TMEM131: variants seen among roughly 807,000 people sequenced by gnomAD.
TMEM131 encodes 2610524E03Rik.
In TMEM131, 66 loss-of-function variants were observed where a neutral mutation model predicts 211.6. The ratio of observed to expected loss-of-function variants is 0.31; its 90% CI spans 0.26 to 0.38. The LOEUF (loss-of-function observed/expected upper bound fraction) is 0.38, where lower values mean the gene tolerates loss of function less well. TMEM131 is among the 10% of genes least tolerant of loss of function. The pLI is 1.00. For missense variants in TMEM131, 2,036 were observed against 2,299.3 expected, an observed-to-expected ratio of 0.89 and a Z score of 2.34; for synonymous variants, 844 against 841.3, an observed-to-expected ratio of 1.00 and a Z score of -0.06.
At chr2:97,978,948 A>C (rs541197797) in intron 1 of TMEM131, among the ~76,000 whole-genome samples, 1 of 152,220 alleles carries the variant, frequency 6.6e-6, no homozygotes, top group Admixed American at 6.5e-5. Flanking sequence ...TTTTAAAATA[A>C]GACATGAAAC....
Position 97,844,246 on chromosome 2 carries a change from C to A in TMEM131, c.499G>T (p.Gly167Ter). The part of the protein sequence containing the change: ...FFQNRKILPG[G>*]NTSFDVVFLA... ...AAAACTACATCAAATGATGTATTTC[C>A]TCCTGGAAGAATTTTCTGAAACAGA... The change falls in exon 6 of 41, where the codon GGA becomes TGA. Residue 167 changes from glycine to a stop codon, truncating the protein, a stop_gained. Transcript: ENST00000186436. LOFTEE classifies it high-confidence loss of function. 7.8e-7 allele frequency: 1 copy of A among 1,281,198 alleles called. No individual in the cohort carries two copies. The highest frequency in any genetic ancestry group is 1.0e-6 in the Non-Finnish European group (1 of 978,846). The allele number at this position is 1,281,198 out of a possible 1,614,324, so 79.4% of individuals were successfully genotyped here.
At chr2:97,947,212 G>A (rs1274368555) in intron 1 of TMEM131, among the ~76,000 whole-genome samples, 1 of 151,886 alleles carries the variant, frequency 6.6e-6, no homozygotes, top group Non-Finnish European at 1.5e-5. Flanking sequence ...ATAAATGAAG[G>A]TAAGAGGGCA....
intron 4 of TMEM131, among the ~76,000 whole-genome samples, chr2:97,881,523 G>A (rs1674929493): frequency 6.6e-6 from 1 of 151,636 alleles, no homozygotes; most frequent in African/African-American, 2.4e-5. Flanking sequence ...TCTTTTTAGA[G>A]TAAAAAAAAC....
chr2:97,920,871 T>C (rs1676710386), intron 2 of TMEM131, among the ~76,000 whole-genome samples: 1 of 152,166 alleles, frequency 6.6e-6, no homozygotes, highest in Non-Finnish European at 1.5e-5. Flanking sequence ...AAAAATATAC[T>C]GTCTCAGACT....
chr2:97,959,187 A>G (rs1678704500), intron 1 of TMEM131, among the ~76,000 whole-genome samples: 1 of 152,234 alleles, frequency 6.6e-6, no homozygotes, highest in African/African-American at 2.4e-5. Flanking sequence ...GAAAAGCTCT[A>G]TCTGAAGACT....
intron 31 of TMEM131, among the ~76,000 whole-genome samples, chr2:97,790,323 A>T (rs1256367899): frequency 6.6e-6 from 1 of 152,206 alleles, no homozygotes; most frequent in Non-Finnish European, 1.5e-5. Context: ...GAAGAAAAAA[A>T]ATATAGATAC....
intron 1 of TMEM131, among the ~76,000 whole-genome samples, chr2:97,962,621 T>G (rs1678870881): frequency 6.6e-6 from 1 of 152,160 alleles, no homozygotes; most frequent in African/African-American, 2.4e-5. Flanking sequence ...CTGGTAATGG[T>G]TTGACAGTTT....
At chr2:97,808,309 T>A (rs549397871) in intron 19 of TMEM131, among the ~76,000 whole-genome samples, 1 of 152,336 alleles carries the variant, frequency 6.6e-6, no homozygotes, top group South Asian at 2.1e-4. Context: ...GCATACAGCA[T>A]TAAGATTTTG....
chr2:97,812,330 A>C (rs1681584188), intron 17 of TMEM131, 91 bp downstream of exon 17: 1 of 1,400,308 alleles, frequency 7.1e-7, no homozygotes. Context: ...CTGCATAAAA[A>C]TAATAGTGAT....
chr2:97,931,504 T>G (rs1190838460), intron 1 of TMEM131, among the ~76,000 whole-genome samples: 3 of 152,204 alleles, frequency 2.0e-5, no homozygotes, highest in Non-Finnish European at 1.5e-5. Flanking sequence ...TTCTGAATAT[T>G]ACAACTGATG....
At chr2:97,927,566 TTAATA>T (rs1456733177) in intron 1 of TMEM131, 79 bp from the exon 2 acceptor site, 104 of 1,179,730 alleles carry the variant, frequency 8.8e-5, no homozygotes, top group Admixed American at 2.6e-4. Flanking sequence ...TTAAAGTTAA[TTAATA>T]TAATTTTATA....
chr2:97,911,022 C>T (rs969794663), intron 2 of TMEM131, among the ~76,000 whole-genome samples: 1 of 152,104 alleles, frequency 6.6e-6, no homozygotes, highest in Non-Finnish European at 1.5e-5. Flanking sequence ...TTGGAACAGC[C>T]CAAATTTCCA....
At chr2:97,759,599 C>T in intron 39 of TMEM131, 53 bp downstream of exon 39, 1 of 1,447,176 alleles carries the variant, frequency 6.9e-7, no homozygotes, top group Non-Finnish European at 9.6e-7. Flanking sequence ...CACCTCCTCT[C>T]CCTTCCTCTG....
intron 31 of TMEM131, among the ~76,000 whole-genome samples, chr2:97,787,504 C>T (rs970342359): frequency 6.6e-6 from 1 of 152,224 alleles, no homozygotes; most frequent in Non-Finnish European, 1.5e-5. Flanking sequence ...GGGGTGCTGG[C>T]ATCACACTTA....
chr2:97,870,130 G>T (rs1016262104), intron 4 of TMEM131, among the ~76,000 whole-genome samples: 1 of 152,058 alleles, frequency 6.6e-6, no homozygotes, highest in African/African-American at 2.4e-5. Flanking sequence ...AAAGGTTCGT[G>T]GATTAGGTCA....
At chr2:97,829,893 C>T (rs984099387) in intron 11 of TMEM131, among the ~76,000 whole-genome samples, 12 of 152,014 alleles carry the variant, frequency 7.9e-5, no homozygotes, top group African/African-American at 2.9e-4. Flanking sequence ...CTGTACAACA[C>T]CAAGCCAGAA....
At chr2:97,875,979 A>G (rs1334440817) in intron 4 of TMEM131, among the ~76,000 whole-genome samples, 1 of 152,216 alleles carries the variant, frequency 6.6e-6, no homozygotes, top group Non-Finnish European at 1.5e-5. Context: ...TAGCCAGACT[A>G]ATAGAGAAGA....
At chr2:97,973,041 G>C (rs1419440620) in intron 1 of TMEM131, among the ~76,000 whole-genome samples, 2 of 152,124 alleles carry the variant, frequency 1.3e-5, no homozygotes, top group Non-Finnish European at 2.9e-5. Context: ...ACGGACTTCT[G>C]ATCTCCAGAA....
At chr2:97,953,658 G>A (rs1678428389) in intron 1 of TMEM131, among the ~76,000 whole-genome samples, 1 of 152,108 alleles carries the variant, frequency 6.6e-6, no homozygotes, top group Non-Finnish European at 1.5e-5. Context: ...TCAACCAACA[G>A]GATCTAAAAG....
Sources: allele counts gnomAD v4.1 joint callset (sites outside exome capture counted in the v4.1 genomes callset), GRCh38; gene constraint gnomAD v4.1.1; transcripts MANE v1.5; gene names NCBI Gene and HGNC (gene_info 2026-07-23, HGNC 2026-07-21).